Variants in ANTXR1 observed in about 807,000 individuals in gnomAD.
ANTXR1 encodes ANTXR cell adhesion molecule 1.
In ANTXR1, 19 loss-of-function variants were observed where a neutral mutation model predicts 78.1. The observed-to-expected ratio is 0.24, with a 90% CI of 0.17 to 0.36. The LOEUF is 0.36. ANTXR1 is among the 10% of genes least tolerant of loss of function. The pLI, the probability that ANTXR1 is intolerant of heterozygous loss-of-function variation, is 1.00. For synonymous variants in ANTXR1, 273 were observed against 260.5 expected, an observed-to-expected ratio of 1.05 and a Z score of -0.46; for missense variants, 518 against 718.6, an observed-to-expected ratio of 0.72 and a Z score of 3.19.
chr2:69,173,053 T>C (rs1674035567), intron 14 of ANTXR1, among the ~76,000 whole-genome samples: 1 of 152,204 alleles, frequency 6.6e-6, no homozygotes, highest in Non-Finnish European at 1.5e-5. Flanking sequence ...TTTGAGTTTT[T>C]ATCAGCCTCA....
intron 1 of ANTXR1, among the ~76,000 whole-genome samples, chr2:69,039,833 A>C (rs1156766140): frequency 6.6e-6 from 1 of 151,454 alleles, no homozygotes; most frequent in African/African-American, 2.4e-5. Context: ...GGGCAGTGCG[A>C]GATTGGGGGA....
At chr2:69,172,754 T>C (rs1432349785) in intron 14 of ANTXR1, among the ~76,000 whole-genome samples, 1 of 152,224 alleles carries the variant, frequency 6.6e-6, no homozygotes, top group African/African-American at 2.4e-5. Flanking sequence ...AAAGGAACTA[T>C]ATGCTGAGAT....
chr2:69,205,381 T>C (rs970639921), intron 17 of ANTXR1, among the ~76,000 whole-genome samples: 1 of 152,060 alleles, frequency 6.6e-6, no homozygotes, highest in Non-Finnish European at 1.5e-5. Flanking sequence ...ACCTGCAAGC[T>C]CCACCTTCTC....
chr2:69,115,139 T>G (rs1672100690), intron 10 of ANTXR1, among the ~76,000 whole-genome samples: 1 of 152,196 alleles, frequency 6.6e-6, no homozygotes, highest in Non-Finnish European at 1.5e-5. Context: ...CCAATAGCAT[T>G]CCTCCCCCAG....
intron 10 of ANTXR1, among the ~76,000 whole-genome samples, chr2:69,107,917 T>A (rs1671862413): frequency 6.6e-6 from 1 of 152,180 alleles, no homozygotes; most frequent in African/African-American, 2.4e-5. Flanking sequence ...TAATAATAAA[T>A]CACTATGTAG....
intron 13 of ANTXR1, among the ~76,000 whole-genome samples, chr2:69,153,987 T>A (rs890280415): frequency 6.6e-6 from 1 of 152,226 alleles, no homozygotes; most frequent in Non-Finnish European, 1.5e-5. Flanking sequence ...TATATATATG[T>A]GCTTAGAAAG....
At chr2:69,122,154 T>C (rs1672366977) in intron 10 of ANTXR1, among the ~76,000 whole-genome samples, 1 of 152,214 alleles carries the variant, frequency 6.6e-6, no homozygotes, top group African/African-American at 2.4e-5. Flanking sequence ...AAATTCTTCT[T>C]ATATCCTACC....
At chr2:69,085,586 A>T (rs1362730837) in intron 8 of ANTXR1, among the ~76,000 whole-genome samples, 2 of 152,128 alleles carry the variant, frequency 1.3e-5, no homozygotes, top group East Asian at 1.9e-4. Flanking sequence ...TCATTTATTT[A>T]TCCAATATTT....
intron 9 of ANTXR1, among the ~76,000 whole-genome samples, chr2:69,096,409 T>A: frequency 1.7e-5 from 2 of 115,430 alleles, no homozygotes; most frequent in Non-Finnish European, 1.7e-5. Context: ...AGGAAGGAAA[T>A]CAAAAAGAAT....
At chr2:69,145,591 G>A (rs1673200509) in intron 12 of ANTXR1, 2 of 1,361,748 alleles carry the variant, frequency 1.5e-6, no homozygotes, top group Non-Finnish European at 9.5e-7. Context: ...AGACCTTACT[G>A]GAGGCACTTT....
chr2:69,120,640 C>G (rs182400467), intron 10 of ANTXR1, among the ~76,000 whole-genome samples: 211 of 152,126 alleles, frequency 1.4e-3, no homozygotes, highest in African/African-American at 4.7e-3. Context: ...TGCACTCCAG[C>G]CTGGGTGACA....
At position 69,149,498 on chromosome 2, in the gene ANTXR1, T is replaced by C. The variant is rs182027024; in HGVS notation, c.952-2671T>C. On this transcript the variant is annotated intron_variant, in intron 12 of 17. Transcript: ENST00000303714. ...ATCAGCCCTTCTGCTTTAGTTCATC[T>C]ACCTAAAGTGAAAAAATAAAACCAG... 2.6e-5 allele frequency among the ~76,000 whole-genome samples: 4 copies of C among 152,354 alleles called. No homozygotes were observed. The East Asian group carries it at 7.7e-4, about 29-fold the overall frequency.
At position 69,090,857 on chromosome 2, in the gene ANTXR1, A is replaced by G; in HGVS notation, c.643-2A>G. ...TGACTCTTTTATTTCCGCTCCTCCT[A>G]GATTTTGAAGAAGTCCTGCATCGAA... is the stretch of plus-strand genomic sequence containing the variant. On this transcript the variant is annotated splice_acceptor_variant, in intron 8 of 17. Transcript: ENST00000303714. LOFTEE classifies it high-confidence loss of function. 6.2e-7 allele frequency: 1 copy of G among 1,613,042 alleles called. No homozygotes were observed. The highest frequency in any genetic ancestry group is 8.5e-7 in the Non-Finnish European group (1 of 1,179,972).
chr2:69,072,784 C>T (rs1670607548), intron 5 of ANTXR1, among the ~76,000 whole-genome samples: 1 of 151,992 alleles, frequency 6.6e-6, no homozygotes, highest in East Asian at 1.9e-4. Flanking sequence ...TCAGGTTTGG[C>T]CATTTTTCAA....
chr2:69,013,488 G>A lies in ANTXR1; in HGVS notation c.-12G>A, dbSNP rs942283602. 1.3e-6 allele frequency: 2 copies of A among 1,586,990 alleles called. No homozygotes were observed. Among genetic ancestry groups the A allele is most frequent in the African/African-American group, 1.3e-5 (1 of 74,808 alleles). On this transcript the variant is annotated 5_prime_UTR_variant, in exon 1 of 18. Transcript: ENST00000303714. The surrounding 1 kb of genome is among the most constrained non-coding windows in gnomAD (Gnocchi z 5.0). ...GGAAGGAGCGGACCCTGCTCTCCCC[G>A]GGCTGCGGGCCATGGCCACGGCGGA...
Position 69,013,764 on chromosome 2 carries a change from C to A in ANTXR1, c.152+113C>A. On this transcript the variant is annotated intron_variant, in intron 1 of 17. Coordinates refer to ENST00000303714, the MANE Select transcript of ANTXR1 (RefSeq NM_032208.3). This position sits in a 1 kb window ranked among gnomAD's most constrained non-coding sequence, Gnocchi z 5.0. ...GGGGACAGGAGCGCATCTCCAGGGCCACAGAGGGACCGCGCGGCAGGCGGC... is the reference window on the plus strand; with the variant it reads ...GGGGACAGGAGCGCATCTCCAGGGCAACAGAGGGACCGCGCGGCAGGCGGC... 1 of 1,506,326 alleles carries A rather than the reference C, an allele frequency of 6.6e-7. No individual in the cohort carries two copies. Among genetic ancestry groups the A allele is most frequent in the South Asian group, 1.2e-5 (1 of 82,678 alleles). 93.3% of individuals were successfully genotyped at this position (1,506,326 alleles called of 1,614,324 possible). A position where few individuals can be genotyped will look rare whatever the true frequency, so the allele number is the denominator to read the frequency against.
intron 8 of ANTXR1, among the ~76,000 whole-genome samples, chr2:69,086,183 A>G (rs1025498249): frequency 2.6e-5 from 4 of 152,272 alleles, no homozygotes; most frequent in African/African-American, 9.6e-5. Flanking sequence ...CAGAGCAAGT[A>G]GAAAAAAGAA....
At chr2:69,111,235 TGGCC>T (rs1359990800) in intron 10 of ANTXR1, among the ~76,000 whole-genome samples, 1 of 152,256 alleles carries the variant, frequency 6.6e-6, no homozygotes, top group Non-Finnish European at 1.5e-5. Context: ...GTATTTACTC[TGGCC>T]GCACTTTTTC....
intron 13 of ANTXR1, among the ~76,000 whole-genome samples, chr2:69,169,870 A>T (rs1334554013): frequency 6.6e-6 from 1 of 152,262 alleles, no homozygotes; most frequent in Non-Finnish European, 1.5e-5. Flanking sequence ...ATTCTTTGTT[A>T]AATGTGTAGA....
Sources: allele counts gnomAD v4.1 joint callset (sites outside exome capture counted in the v4.1 genomes callset), GRCh38; gene constraint gnomAD v4.1.1; non-coding constraint Gnocchi (gnomAD v3.1); transcripts MANE v1.5; gene names NCBI Gene and HGNC (gene_info 2026-07-23, HGNC 2026-07-21).